NR3C2: variants seen among roughly 807,000 people sequenced by gnomAD.
NR3C2 encodes nuclear receptor subfamily 3 group C member 2, also known as mineralocorticoid receptor.
A neutral mutation model predicts 86.4 loss-of-function variants in NR3C2; 15 were observed. The ratio of observed to expected loss-of-function variants is 0.17; its 90% CI spans 0.12 to 0.27. NR3C2 has a LOEUF of 0.27. Among genes scored for constraint, NR3C2 ranks in the 10% least tolerant of loss-of-function variants. The pLI is 1.00. For synonymous variants in NR3C2, 458 were observed against 450.5 expected, an observed-to-expected ratio of 1.02 and a Z score of -0.21; for missense variants, 960 against 1,195.6, an observed-to-expected ratio of 0.80 and a Z score of 2.91.
intron 3 of NR3C2, among the ~76,000 whole-genome samples, chr4:148,255,973 T>C (rs1309091916): frequency 6.6e-6 from 1 of 152,240 alleles, no homozygotes; most frequent in Non-Finnish European, 1.5e-5. Flanking sequence ...AAACATTTAT[T>C]TGGTGGCTAC....
intron 4 of NR3C2, 56 bp downstream of exon 4, chr4:148,194,690 A>T: frequency 8.9e-7 from 1 of 1,120,404 alleles, no homozygotes; most frequent in Non-Finnish European, 1.3e-6. Context: ...CACAGATCTT[A>T]GTGCTGTTGC....
chr4:148,164,104 T>C (rs1734781638), intron 4 of NR3C2, among the ~76,000 whole-genome samples: 1 of 152,334 alleles, frequency 6.6e-6, no homozygotes, highest in African/African-American at 2.4e-5. Flanking sequence ...TAACAACCTG[T>C]ATCAATACAC....
At chr4:148,412,139 T>G (rs1323455513) in intron 2 of NR3C2, among the ~76,000 whole-genome samples, 1 of 152,158 alleles carries the variant, frequency 6.6e-6, no homozygotes, top group African/African-American at 2.4e-5. Context: ...TAGGGACTAA[T>G]GCCTGGAAAG....
At chr4:148,408,686 T>C (rs1271444012) in intron 2 of NR3C2, among the ~76,000 whole-genome samples, 1 of 152,122 alleles carries the variant, frequency 6.6e-6, no homozygotes, top group Non-Finnish European at 1.5e-5. Flanking sequence ...TATCTATTTA[T>C]GAAAACAGAC....
chr4:148,197,948 C>T (rs1736518178), intron 3 of NR3C2, among the ~76,000 whole-genome samples: 1 of 152,028 alleles, frequency 6.6e-6, no homozygotes, highest in African/African-American at 2.4e-5. Context: ...TACTCGAGTT[C>T]AGTGTACCTC....
intron 2 of NR3C2, among the ~76,000 whole-genome samples, chr4:148,342,722 A>C (rs930663889): frequency 4.6e-5 from 7 of 152,180 alleles, no homozygotes; most frequent in African/African-American, 1.4e-4. Flanking sequence ...ATTATTGTGC[A>C]GTAGCATTAA....
At chr4:148,389,028 T>G (rs1353107286) in intron 2 of NR3C2, among the ~76,000 whole-genome samples, 3 of 152,246 alleles carry the variant, frequency 2.0e-5, no homozygotes, top group Non-Finnish European at 1.5e-5. Context: ...ATCAATTTTG[T>G]AAAGACACAT....
intron 3 of NR3C2, among the ~76,000 whole-genome samples, chr4:148,201,292 A>G (rs3846304): frequency 0.75 from 114,224 of 152,120 alleles, 43,894 homozygotes; most frequent in African/African-American, 0.92. Context: ...GGGAGGGGAG[A>G]TGGGCAGGCC....
At chr4:148,225,339 A>T (rs1329716492) in intron 3 of NR3C2, among the ~76,000 whole-genome samples, 1 of 152,156 alleles carries the variant, frequency 6.6e-6, no homozygotes, top group African/African-American at 2.4e-5. Context: ...AGTTTTTAGA[A>T]AAGTTTATCT....
chr4:148,335,989 GTTA>G (rs1233721616), intron 2 of NR3C2, among the ~76,000 whole-genome samples: 2 of 152,178 alleles, frequency 1.3e-5, no homozygotes, highest in Non-Finnish European at 2.9e-5. Context: ...AACGTATGAA[GTTA>G]TTGATTTTTG....
At chr4:148,154,225 T>C (rs937732869) in intron 5 of NR3C2, among the ~76,000 whole-genome samples, 1 of 152,132 alleles carries the variant, frequency 6.6e-6, no homozygotes, top group South Asian at 2.1e-4. Flanking sequence ...GCTAGGCTGG[T>C]CTTGAACTCC....
chr4:148,220,752 T>C (rs767203588), intron 3 of NR3C2, among the ~76,000 whole-genome samples: 7 of 152,116 alleles, frequency 4.6e-5, no homozygotes, highest in Non-Finnish European at 8.8e-5. Context: ...GCCATGATTG[T>C]GCCACTGCAC....
At chr4:148,328,558 C>G (rs4295241) in intron 2 of NR3C2, among the ~76,000 whole-genome samples, 42,691 of 151,988 alleles carry the variant, frequency 0.28, 7,491 homozygotes, top group East Asian at 0.58. Flanking sequence ...CCTCACCATG[C>G]CCCCCTCAAA....
intron 3 of NR3C2, among the ~76,000 whole-genome samples, chr4:148,195,950 G>A (rs1371473423): frequency 6.6e-6 from 1 of 152,248 alleles, no homozygotes; most frequent in Non-Finnish European, 1.5e-5. Context: ...AGAGGGCTTT[G>A]AGCAGAGGAG....
At chr4:148,164,197 A>G (rs1025686157) in intron 4 of NR3C2, among the ~76,000 whole-genome samples, 1 of 152,172 alleles carries the variant, frequency 6.6e-6, no homozygotes, top group African/African-American at 2.4e-5. Context: ...CAGACAGTTC[A>G]GGCTTTTTGC....
At chr4:148,383,538 C>A (rs1324643051) in intron 2 of NR3C2, among the ~76,000 whole-genome samples, 1 of 152,156 alleles carries the variant, frequency 6.6e-6, no homozygotes, top group Non-Finnish European at 1.5e-5. Flanking sequence ...TAAACAACAG[C>A]TGCTTGAGTA....
chr4:148,202,097 A>T (rs1481414951), intron 3 of NR3C2, among the ~76,000 whole-genome samples: 1 of 152,236 alleles, frequency 6.6e-6, no homozygotes, highest in Non-Finnish European at 1.5e-5. Context: ...CTGACTTATC[A>T]CACATTGGGA....
intron 2 of NR3C2, among the ~76,000 whole-genome samples, chr4:148,390,075 C>T (rs1356139828): frequency 3.3e-5 from 5 of 150,252 alleles, no homozygotes; most frequent in African/African-American, 9.8e-5. Flanking sequence ...AGGTAACGTC[C>T]GGGCAAGGAG....
intron 2 of NR3C2, among the ~76,000 whole-genome samples, chr4:148,305,780 C>T (rs1194112567): frequency 6.6e-6 from 1 of 152,180 alleles, no homozygotes; most frequent in Non-Finnish European, 1.5e-5. Flanking sequence ...AGTGAAGAAA[C>T]ACTGCTACTA....
Sources: allele counts gnomAD v4.1 joint callset (sites outside exome capture counted in the v4.1 genomes callset), GRCh38; gene constraint gnomAD v4.1.1; transcripts MANE v1.5; gene names NCBI Gene and HGNC (gene_info 2026-07-23, HGNC 2026-07-21).